The following MRPL13 variants were observed in gnomAD, a reference collection of about 807,000 sequenced individuals.
The protein encoded by MRPL13 is mitochondrial ribosomal protein L13.
A neutral mutation model predicts 29.0 loss-of-function variants in MRPL13; 33 were observed. The ratio of observed to expected loss-of-function variants is 1.14; its 90% CI spans 0.86 to 1.52. MRPL13 has a LOEUF of 1.52. Ranked by LOEUF, MRPL13 falls within the 40% of genes most tolerant of loss-of-function variation. The pLI is 0.00. For synonymous variants in MRPL13, 77 were observed against 68.4 expected (o/e 1.13, Z -0.62); for missense variants, 227 against 216.7 (o/e 1.05, Z -0.30).
chr8:120,414,379 G>C (rs1364076165), intron 5 of MRPL13: 10 of 205,738 alleles, frequency 4.9e-5, no homozygotes, highest in Non-Finnish European at 8.6e-5. Flanking sequence ...CACTGCTATG[G>C]CTCATTCTCA....
intron 4 of MRPL13, among the ~76,000 whole-genome samples, chr8:120,422,822 C>T (rs1288149575): frequency 4.0e-5 from 6 of 151,510 alleles, no homozygotes; most frequent in Non-Finnish European, 8.8e-5. Flanking sequence ...TTGTTATAGC[C>T]CAATTCACTT....
Position 120,434,004 on chromosome 8 carries a change from T to A in MRPL13, c.152-1881A>T, listed in dbSNP as rs114406852. ...ATTTTTAGAAATAGGAATTGTGAGT[T>A]TATTTACAAAAATTCTAACCTTAAA... is the stretch of plus-strand genomic sequence containing the variant. On this transcript the variant is annotated intron_variant, in intron 2 of 6. Transcript: ENST00000306185. 1.6e-3 allele frequency among the ~76,000 whole-genome samples: 244 copies of A among 152,218 alleles called. 1 individual carries two copies. The highest frequency in any genetic ancestry group is 6.8e-3 in the Middle Eastern group (2 of 294).
chr8:120,434,964 A>G (rs941132408), intron 2 of MRPL13, among the ~76,000 whole-genome samples: 6 of 152,186 alleles, frequency 3.9e-5, no homozygotes, highest in African/African-American at 1.4e-4. Context: ...ATCAGACACA[A>G]TAAGTGTTTA....
chr8:120,396,274 A>G (rs1430838824), intron 6 of MRPL13, 149 bp from the exon 7 acceptor site: 1 of 629,806 alleles, frequency 1.6e-6, no homozygotes, highest in African/African-American at 1.9e-5. Context: ...TGAAAAAAAA[A>G]CATTAACATC....
chr8:120,411,725 C>A (rs1391019918), intron 6 of MRPL13, among the ~76,000 whole-genome samples: 1 of 152,108 alleles, frequency 6.6e-6, no homozygotes, highest in Non-Finnish European at 1.5e-5. Flanking sequence ...AATGCATATT[C>A]CTGCCTCAGG....
intron 4 of MRPL13, among the ~76,000 whole-genome samples, chr8:120,424,240 T>C (rs1177913952): frequency 2.0e-5 from 3 of 152,172 alleles, no homozygotes; most frequent in Admixed American, 6.6e-5. Flanking sequence ...CCCTGATCAA[T>C]TGTTTAGAAA....
intron 6 of MRPL13, among the ~76,000 whole-genome samples, chr8:120,409,023 G>T (rs1483744769): frequency 1.3e-5 from 2 of 152,092 alleles, no homozygotes; most frequent in African/African-American, 4.8e-5. Flanking sequence ...ATCAGTAATG[G>T]TTGTCCTCAT....
chr8:120,396,755 T>G (rs1812528766), intron 6 of MRPL13, among the ~76,000 whole-genome samples: 1 of 152,182 alleles, frequency 6.6e-6, no homozygotes, highest in South Asian at 2.1e-4. Context: ...ACATAGGAAA[T>G]TATAAAATGC....
chr8:120,433,222 C>A (rs1813016241), intron 2 of MRPL13, among the ~76,000 whole-genome samples: 1 of 151,992 alleles, frequency 6.6e-6, no homozygotes. Flanking sequence ...AAAAGTGACA[C>A]CCTGTTGGCT....
At chr8:120,437,110 GGAT>G (rs1182031271) in intron 2 of MRPL13, among the ~76,000 whole-genome samples, 4 of 152,100 alleles carry the variant, frequency 2.6e-5, no homozygotes, top group Admixed American at 6.6e-5. Context: ...GTGCTTTGTA[GGAT>G]GATATTCTAG....
At chr8:120,424,452 T>C (rs1240129399) in intron 4 of MRPL13, among the ~76,000 whole-genome samples, 1 of 152,018 alleles carries the variant, frequency 6.6e-6, no homozygotes, top group Non-Finnish European at 1.5e-5. Flanking sequence ...CAAGATCCTG[T>C]CTTTAAAAAC....
chr8:120,444,411 T>C (rs926108068), intron 1 of MRPL13, among the ~76,000 whole-genome samples: 30 of 152,280 alleles, frequency 2.0e-4, no homozygotes, highest in African/African-American at 7.0e-4. Flanking sequence ...CACCCTCCAG[T>C]TGGACAAACC....
chr8:120,430,342 G>A (rs1003753064), intron 3 of MRPL13, among the ~76,000 whole-genome samples: 1 of 152,114 alleles, frequency 6.6e-6, no homozygotes, highest in Admixed American at 6.6e-5. Context: ...ATATTAAAAT[G>A]GTAAGTCATG....
chr8:120,421,168 C>T (rs1483294463), intron 4 of MRPL13, among the ~76,000 whole-genome samples: 2 of 151,550 alleles, frequency 1.3e-5, no homozygotes, highest in Non-Finnish European at 3.0e-5. Context: ...CCATTTGTGC[C>T]ATAGAAGTAA....
At chr8:120,428,734 G>T (rs1812961879) in intron 3 of MRPL13, among the ~76,000 whole-genome samples, 1 of 152,114 alleles carries the variant, frequency 6.6e-6, no homozygotes, top group Non-Finnish European at 1.5e-5. Context: ...ATGAAAAAAA[G>T]CTCAAAATCA....
chr8:120,402,117 C>T (rs573513688), intron 6 of MRPL13, among the ~76,000 whole-genome samples: 1 of 152,272 alleles, frequency 6.6e-6, no homozygotes, highest in African/African-American at 2.4e-5. Context: ...ATTAAGCTAC[C>T]ATTGACATTC....
At chr8:120,437,888 T>C (rs1228881932) in intron 2 of MRPL13, among the ~76,000 whole-genome samples, 2 of 152,190 alleles carry the variant, frequency 1.3e-5, no homozygotes, top group Non-Finnish European at 2.9e-5. Context: ...AAAAAAAATA[T>C]GTTTATAGTG....
intron 6 of MRPL13, among the ~76,000 whole-genome samples, chr8:120,411,035 C>T (rs930832074): frequency 5.9e-5 from 9 of 151,726 alleles, no homozygotes; most frequent in South Asian, 2.1e-4. Context: ...CGCCAGGCTT[C>T]CCTCTCCCTC....
intron 4 of MRPL13, among the ~76,000 whole-genome samples, chr8:120,423,132 A>C (rs908833434): frequency 5.3e-5 from 8 of 152,116 alleles, no homozygotes; most frequent in Admixed American, 2.6e-4. Context: ...AAAGGGAAAA[A>C]TGATAATTGA....
Sources: gnomAD v4.1 joint callset for allele counts (sites outside exome capture counted in the v4.1 genomes callset) on GRCh38, gnomAD v4.1.1 for gene constraint, MANE v1.5 for transcripts, NCBI Gene and HGNC (gene_info 2026-07-23, HGNC 2026-07-21) for gene names.